The following LRRC4C variants were observed in gnomAD, a reference collection of about 807,000 sequenced individuals.
The protein encoded by LRRC4C is leucine-rich repeat-containing protein 4C.
Under a neutral mutation model 33.6 loss-of-function variants are expected in LRRC4C, and 5 were observed. The ratio of observed to expected loss-of-function variants is 0.15; its 90% CI spans 0.08 to 0.31. The LOEUF is 0.31. Ranked by LOEUF, LRRC4C falls within the 10% of genes least tolerant of loss-of-function variation. LRRC4C has a pLI of 1.00. For synonymous variants in LRRC4C, 329 were observed against 302.0 expected (o/e 1.09, Z -0.93); for missense variants, 560 against 796.7 (o/e 0.70, Z 3.58).
At chr11:40,415,259 G>A (rs1950284803) in intron 3 of LRRC4C, among the ~76,000 whole-genome samples, 1 of 152,198 alleles carries the variant, frequency 6.6e-6, no homozygotes, top group African/African-American at 2.4e-5. Context: ...TAGAATTTGT[G>A]TAGTCACATA....
chr11:40,890,362 G>A (rs930896133), intron 2 of LRRC4C, among the ~76,000 whole-genome samples: 2 of 152,102 alleles, frequency 1.3e-5, no homozygotes, highest in Non-Finnish European at 2.9e-5. Context: ...GAGAACAAAA[G>A]AAGGCTGAAT....
chr11:40,866,989 A>C (rs1238638453), intron 2 of LRRC4C, among the ~76,000 whole-genome samples: 1 of 151,966 alleles, frequency 6.6e-6, no homozygotes, highest in African/African-American at 2.4e-5. Context: ...CACTTGGCCA[A>C]ATTCTACTAT....
At chr11:40,464,162 G>A (rs1290893327) in intron 3 of LRRC4C, among the ~76,000 whole-genome samples, 2 of 152,034 alleles carry the variant, frequency 1.3e-5, no homozygotes, top group Non-Finnish European at 2.9e-5. Context: ...TTATTGCACG[G>A]ATGCAATGGT....
At chr11:40,630,707 A>C (rs1246309388) in intron 3 of LRRC4C, among the ~76,000 whole-genome samples, 1 of 152,092 alleles carries the variant, frequency 6.6e-6, no homozygotes, top group Non-Finnish European at 1.5e-5. Context: ...TCCTTTAACT[A>C]TGAGTCTCAC....
rs1294443786 is a variant in LRRC4C at position 40,457,079 on chromosome 11, C to T, written c.-269-137358G>A. 2.8e-5 allele frequency among the ~76,000 whole-genome samples: 4 copies of T among 143,176 alleles called. No homozygotes were observed. In the East Asian group the frequency reaches 8.1e-4, roughly 29 times the overall value. The allele number at this position is 143,176 out of a possible 152,430, so 93.9% of individuals were successfully genotyped here. A position where few individuals can be genotyped will look rare whatever the true frequency, so the allele number is the denominator to read the frequency against. ...AAAGGTCAACAGCTCAGAATTTTAG[C>T]TTTCCTGTGTATTTCTTAAAAAAGA... On this transcript the variant is annotated intron_variant, in intron 3 of 6. Transcript: ENST00000528697.
At chr11:40,292,567 G>T in intron 4 of LRRC4C, 1 of 146,460 alleles carries the variant, frequency 6.8e-6, no homozygotes. Flanking sequence ...ATATCTCCTT[G>T]GCTCACTTTC....
chr11:40,320,322 G>A (rs1945780596), intron 3 of LRRC4C, among the ~76,000 whole-genome samples: 2 of 151,996 alleles, frequency 1.3e-5, no homozygotes, highest in South Asian at 2.1e-4. Flanking sequence ...TGTCTAACAC[G>A]GTGAAACCCC....
chr11:41,365,781 TA>T (rs1952513019), intron 1 of LRRC4C, among the ~76,000 whole-genome samples: 1 of 152,192 alleles, frequency 6.6e-6, no homozygotes. Context: ...AGTTAATATA[TA>T]ATGTACCTGC....
chr11:40,531,488 A>G (rs758867185), intron 3 of LRRC4C, among the ~76,000 whole-genome samples: 14 of 152,120 alleles, frequency 9.2e-5, no homozygotes, highest in Non-Finnish European at 8.8e-5. Flanking sequence ...ATAGAAGAAA[A>G]AAAAGAATTA....
chr11:40,656,381 C>G (rs1369559524), intron 2 of LRRC4C, among the ~76,000 whole-genome samples: 1 of 151,450 alleles, frequency 6.6e-6, no homozygotes, highest in Admixed American at 6.6e-5. Flanking sequence ...CAGGCTTATT[C>G]TGCATCACTT....
At chr11:40,739,023 G>GTGTA (rs1554944719) in intron 2 of LRRC4C, among the ~76,000 whole-genome samples, 11 of 55,548 alleles carry the variant, frequency 2.0e-4, no homozygotes, top group African/African-American at 5.5e-4. Context: ...GTGTGTGTGT[G>GTGTA]TGTGTATGTG....
intron 2 of LRRC4C, among the ~76,000 whole-genome samples, chr11:40,707,948 A>G (rs1946253119): frequency 6.6e-6 from 1 of 152,126 alleles, no homozygotes; most frequent in Non-Finnish European, 1.5e-5. Context: ...GGGAGGGTGT[A>G]TGTGTCCAAG....
At chr11:40,346,645 C>T (rs531419432) in intron 3 of LRRC4C, among the ~76,000 whole-genome samples, 169 of 152,120 alleles carry the variant, frequency 1.1e-3, no homozygotes, top group African/African-American at 4.0e-3. Flanking sequence ...ACAACAAATC[C>T]CCACGATACA....
chr11:40,604,402 T>G (rs1328645212), intron 3 of LRRC4C, among the ~76,000 whole-genome samples: 1 of 152,148 alleles, frequency 6.6e-6, no homozygotes, highest in Non-Finnish European at 1.5e-5. Flanking sequence ...ATTTCTTCTC[T>G]TATATCTCAG....
At chr11:40,975,321 T>C (rs111366425) in intron 1 of LRRC4C, among the ~76,000 whole-genome samples, 7 of 152,320 alleles carry the variant, frequency 4.6e-5, no homozygotes, top group African/African-American at 1.7e-4. Context: ...ATTCACAGTG[T>C]TGGCTTAGTA....
intron 2 of LRRC4C, among the ~76,000 whole-genome samples, chr11:40,861,711 G>A (rs2135850289): frequency 6.6e-6 from 1 of 152,286 alleles, no homozygotes; most frequent in African/African-American, 2.4e-5. Flanking sequence ...TAAAGAAATG[G>A]GGTTTCTCTG....
chr11:40,504,710 GTTT>G (rs1401623939), intron 3 of LRRC4C, among the ~76,000 whole-genome samples: 1 of 152,126 alleles, frequency 6.6e-6, no homozygotes, highest in Non-Finnish European at 1.5e-5. Context: ...ATTTCATACA[GTTT>G]TTTATTTGTT....
At position 41,117,048 on chromosome 11, in the gene LRRC4C, T is replaced by C. The variant is rs560674761; in HGVS notation, c.-495-183325A>G. On this transcript the variant is annotated intron_variant, in intron 1 of 6. Transcript: ENST00000528697. ...CAGTAGAATGTCTAACAGTTTGTAC[T>C]AGGAACACTGGAACACTGGCAGCCC... 2.0e-4 allele frequency among the ~76,000 whole-genome samples: 30 copies of C among 152,246 alleles called. 1 individual carries two copies. The South Asian group carries it at 6.2e-3, about 32-fold the overall frequency.
At chr11:41,292,723 T>C (rs559313860) in intron 1 of LRRC4C, among the ~76,000 whole-genome samples, 34 of 152,282 alleles carry the variant, frequency 2.2e-4, no homozygotes, top group Admixed American at 1.6e-3. Flanking sequence ...TTCCCTGATT[T>C]ATGTATCATC....
Sources: allele counts gnomAD v4.1 joint callset (sites outside exome capture counted in the v4.1 genomes callset), GRCh38; gene constraint gnomAD v4.1.1; transcripts MANE v1.5; gene names NCBI Gene and HGNC (gene_info 2026-07-23, HGNC 2026-07-21).